GHRH: variants seen among roughly 807,000 people sequenced by gnomAD.
The protein encoded by GHRH is somatoliberin.
Under a neutral mutation model 15.6 loss-of-function variants are expected in GHRH, and 7 were observed. The observed-to-expected ratio is 0.45, with a 90% CI of 0.26 to 0.84. GHRH has a LOEUF of 0.84. Among genes scored for constraint, GHRH ranks in the 40% least tolerant of loss-of-function variants. The pLI, the probability that GHRH is intolerant of heterozygous loss-of-function variation, is 0.18. For synonymous variants in GHRH, 54 were observed against 50.4 expected, an observed-to-expected ratio of 1.07 and a Z score of -0.30; for missense variants, 117 against 138.0, an observed-to-expected ratio of 0.85 and a Z score of 0.76.
In GHRH at chr20:37,256,264, G is replaced by A. The variant is rs563898549; in HGVS notation, c.188+130C>T. The A allele has an allele frequency of 3.5e-5, 20 of 576,044 alleles. No individual in the cohort carries two copies. In the African/African-American group the frequency reaches 3.8e-4, roughly 11 times the overall value. 35.7% of individuals were successfully genotyped at this position (576,044 alleles called of 1,614,324 possible). A position where few individuals can be genotyped will look rare whatever the true frequency, so the allele number is the denominator to read the frequency against. On this transcript the variant is annotated intron_variant, in intron 3 of 4. Transcript: ENST00000373614. ...TTTAACGCTGGAACCCTTTTGCTAT[G>A]GGAAGTCCAGAAATGACACTTGCTG...
chr20:37,255,001 TATATTA>T (rs1183152871), intron 3 of GHRH, among the ~76,000 whole-genome samples: 2 of 152,082 alleles, frequency 1.3e-5, no homozygotes, highest in African/African-American at 4.8e-5. Context: ...AATTGATAAT[TATATTA>T]TGATTATGTA....
At chr20:37,256,158 T>C (rs1169318105) in intron 3 of GHRH, among the ~76,000 whole-genome samples, 2 of 152,196 alleles carry the variant, frequency 1.3e-5, no homozygotes, top group African/African-American at 4.8e-5. Context: ...GAGTCATGAT[T>C]AAATGGTAAC....
intron 1 of GHRH, among the ~76,000 whole-genome samples, chr20:37,259,012 T>G (rs1275265702): frequency 2.0e-5 from 3 of 152,152 alleles, no homozygotes; most frequent in Admixed American, 6.5e-5. Context: ...AGAGTTGAGC[T>G]TATAGGCATG....
rs1269393808 is a variant in GHRH at position 37,251,314 on chromosome 20, T to C, written c.309-83A>G. The C allele has an allele frequency of 4.4e-6, 5 of 1,147,460 alleles. No homozygotes were observed. In the African/African-American group the frequency reaches 6.2e-5, roughly 14 times the overall value. The allele number at this position is 1,147,460 out of a possible 1,614,324, so 71.1% of individuals were successfully genotyped here. Reference sequence around the variant, plus strand: ...GGATGCATGGAACCAGGGTGACGGGTGCTCCCGTGACAGGAGCTGGCCTTT... The same window carrying C: ...GGATGCATGGAACCAGGGTGACGGGCGCTCCCGTGACAGGAGCTGGCCTTT... On this transcript the variant is annotated intron_variant, in intron 4 of 4. Transcript: ENST00000373614.
At position 37,258,429 on chromosome 20, in the gene GHRH, C is replaced by T. The variant is rs2068669979; in HGVS notation, c.-19-1521G>A. On this transcript the variant is annotated intron_variant, in intron 1 of 4. Transcript: ENST00000373614. The surrounding 1 kb of genome is among the most constrained non-coding windows in gnomAD (Gnocchi z 4.1). Reference sequence around the variant, plus strand: ...CAGGGCCAGCACTGGCAGAACCCACCTTGCTCTCCCGGCCCTCTCAGGGTA... The same window carrying T: ...CAGGGCCAGCACTGGCAGAACCCACTTTGCTCTCCCGGCCCTCTCAGGGTA... 6.6e-6 allele frequency among the ~76,000 whole-genome samples: 1 copy of T among 152,200 alleles called. No homozygotes were observed. Among genetic ancestry groups the T allele is most frequent in the African/African-American group, 2.4e-5 (1 of 41,460 alleles).
rs566297948 is a variant in GHRH, at chr20:37,254,881, A to C, written c.189-552T>G. Among the ~76,000 whole-genome samples, 3 of 152,342 alleles carry C rather than the reference A, an allele frequency of 2.0e-5. No individual in the cohort carries two copies. The East Asian group carries it at 5.8e-4, about 29-fold the overall frequency. On this transcript the variant is annotated intron_variant, in intron 3 of 4. Transcript: ENST00000373614. The stretch of plus-strand genomic sequence containing the variant: ...CCAGATTAAAAGAAACTGAAGGGAC[A>C]TGACAACTAAATGGTATCCATGATC...
chr20:37,257,145 T>C (rs1309272235), intron 1 of GHRH, among the ~76,000 whole-genome samples: 1 of 152,124 alleles, frequency 6.6e-6, no homozygotes, highest in Non-Finnish European at 1.5e-5. Context: ...GTGATGGAGC[T>C]CCCCTGCCAA....
At chr20:37,257,040 G>T (rs1159280712) in intron 1 of GHRH, 132 bp from the exon 2 acceptor site, 1 of 645,752 alleles carries the variant, frequency 1.5e-6, no homozygotes, top group Admixed American at 2.9e-5. Context: ...ATGGGAAAAA[G>T]AACCCAGACA....
At chr20:37,255,066 A>C (rs1382287084) in intron 3 of GHRH, among the ~76,000 whole-genome samples, 1 of 152,212 alleles carries the variant, frequency 6.6e-6, no homozygotes, top group Non-Finnish European at 1.5e-5. Flanking sequence ...AGAAGTACCT[A>C]AGGGTAAAGG....
chr20:37,255,548 C>G (rs1404574711), intron 3 of GHRH, among the ~76,000 whole-genome samples: 1 of 150,114 alleles, frequency 6.7e-6, no homozygotes, highest in East Asian at 2.0e-4. Flanking sequence ...GTAGTCTCAG[C>G]TACTCGGGAG....
rs192931047 is a variant in GHRH at position 37,258,314 on chromosome 20, G to T, written c.-19-1406C>A. Among the ~76,000 whole-genome samples the T allele has an allele frequency of 7.1e-6, 1 of 141,522 alleles. No homozygotes were observed. Among genetic ancestry groups the T allele is most frequent in the Non-Finnish European group, 1.6e-5 (1 of 63,654 alleles). 92.8% of individuals were successfully genotyped at this position (141,522 alleles called of 152,430 possible). The stretch of plus-strand genomic sequence containing the variant: ...CCATCCAGAAGCCCAGCCAGCCCCG[G>T]AGGTGGCCAGCACCCCCGCCTTTCC... On this transcript the variant is annotated intron_variant, in intron 1 of 4. Coordinates refer to ENST00000373614, the MANE Select transcript of GHRH (RefSeq NM_021081.6). This position sits in a 1 kb window ranked among gnomAD's most constrained non-coding sequence, Gnocchi z 4.1.
intron 4 of GHRH, among the ~76,000 whole-genome samples, chr20:37,253,629 G>T (rs964246827): frequency 3.7e-4 from 56 of 152,258 alleles, no homozygotes; most frequent in African/African-American, 1.3e-3. Flanking sequence ...GATTGAGACG[G>T]GATCTCACTA....
intron 3 of GHRH, among the ~76,000 whole-genome samples, chr20:37,256,100 G>A (rs539383092): frequency 1.3e-5 from 2 of 152,310 alleles, no homozygotes; most frequent in South Asian, 4.1e-4. Flanking sequence ...CCAGCACTGT[G>A]CCAAGTGTCT....
intron 3 of GHRH, among the ~76,000 whole-genome samples, chr20:37,255,534 A>G (rs1353397436): frequency 6.6e-6 from 1 of 151,602 alleles, no homozygotes; most frequent in African/African-American, 2.4e-5. Flanking sequence ...GGTGGCGGGC[A>G]CCTGTAGTCT....
chr20:37,256,494 G>C lies in GHRH; in HGVS notation c.88C>G (p.Arg30Gly). ...SPPPPLTLRM[R>G]RYADAIFTNS... Reference sequence around the variant, plus strand: ...GTGAAGATGGCATCTGCATACCGCCGCATCCTGTGCGGAAGGAGTCAGGGG... The same window carrying C: ...GTGAAGATGGCATCTGCATACCGCCCCATCCTGTGCGGAAGGAGTCAGGGG... The change falls in exon 3 of 5, where the codon CGG (arginine) becomes GGG (glycine). Residue 30 changes from arginine to glycine, a missense_variant. Physicochemically the swap from Arg to Gly is moderately radical, Grantham distance 125. Transcript: ENST00000373614. 3 of 1,607,932 alleles carry C rather than the reference G, an allele frequency of 1.9e-6. No individual in the cohort carries two copies. Among genetic ancestry groups the C allele is most frequent in the Middle Eastern group, 1.7e-4 (1 of 6,048 alleles).
chr20:37,257,492 T>A (rs1199811371), intron 1 of GHRH, among the ~76,000 whole-genome samples: 1 of 145,584 alleles, frequency 6.9e-6, no homozygotes, highest in Non-Finnish European at 1.5e-5. Flanking sequence ...CCACGCTGGG[T>A]GACAAAGTGA....
Position 37,258,188 on chromosome 20 carries a change from G to A in GHRH, c.-19-1280C>T, listed in dbSNP as rs555792864. On this transcript the variant is annotated intron_variant, in intron 1 of 4. Coordinates refer to ENST00000373614, the MANE Select transcript of GHRH (RefSeq NM_021081.6). The surrounding 1 kb of genome is among the most constrained non-coding windows in gnomAD (Gnocchi z 4.1). The stretch of plus-strand genomic sequence containing the variant: ...CAGACCTGCCCAAGCATGGAAACAC[G>A]GCTGGCCTCGGGGGACTTGGCCACC... Among the ~76,000 whole-genome samples, 6 of 152,350 alleles carry A rather than the reference G, an allele frequency of 3.9e-5. No homozygotes were observed. The East Asian group carries it at 7.7e-4, about 20-fold the overall frequency.
chr20:37,259,650 G>A (rs116236922), intron 1 of GHRH, among the ~76,000 whole-genome samples: 25 of 152,286 alleles, frequency 1.6e-4, no homozygotes, highest in African/African-American at 5.1e-4. Context: ...TGGCACAAGT[G>A]ATTCCCAGCC....
In GHRH at chr20:37,251,436, G is replaced by C. The variant is rs1600868782; in HGVS notation, c.309-205C>G. On this transcript the variant is annotated intron_variant, in intron 4 of 4. Transcript: ENST00000373614. ...TTAGCCCCTGCTCTCTGCTCTGCCA[G>C]CCAACTCCCACCGAGACCCTGGGCC... is the stretch of plus-strand genomic sequence containing the variant. 2.1e-5 allele frequency among the ~76,000 whole-genome samples: 3 copies of C among 140,908 alleles called. No individual in the cohort carries two copies. In the East Asian group the frequency reaches 6.3e-4, roughly 30 times the overall value. 92.4% of individuals were successfully genotyped at this position (140,908 alleles called of 152,430 possible). A position where few individuals can be genotyped will look rare whatever the true frequency, so the allele number is the denominator to read the frequency against.
Sources: gnomAD v4.1 joint callset for allele counts (sites outside exome capture counted in the v4.1 genomes callset) on GRCh38, gnomAD v4.1.1 for gene constraint, Gnocchi (gnomAD v3.1) non-coding constraint, MANE v1.5 for transcripts, NCBI Gene and HGNC (gene_info 2026-07-23, HGNC 2026-07-21) for gene names.